The following SMTN variants were observed in gnomAD, a reference collection of about 807,000 sequenced individuals.
SMTN encodes smoothelin.
A neutral mutation model predicts 102.0 loss-of-function variants in SMTN; 58 were observed. The ratio of observed to expected loss-of-function variants is 0.57; its 90% CI spans 0.46 to 0.71. The LOEUF (loss-of-function observed/expected upper bound fraction) is 0.71, where lower values mean the gene tolerates loss of function less well. Ranked by LOEUF, SMTN falls within the 30% of genes least tolerant of loss-of-function variation. The pLI is 0.00. For synonymous variants in SMTN, 478 were observed against 497.9 expected (o/e 0.96, Z 0.53); for missense variants, 1,185 against 1,241.7 (o/e 0.95, Z 0.69).
rs539939578 is a variant in SMTN, at chr22:31,095,876, A to C, written c.1861+267A>C. 9.4e-6 allele frequency: 5 copies of C among 529,918 alleles called. No individual in the cohort carries two copies. The highest frequency in any genetic ancestry group is 3.4e-5 in the East Asian group (1 of 29,714). 32.8% of individuals were successfully genotyped at this position (529,918 alleles called of 1,614,324 possible). On this transcript the variant is annotated intron_variant, in intron 13 of 20. Transcript: ENST00000333137. This position sits in a 1 kb window ranked among gnomAD's most constrained non-coding sequence, Gnocchi z 4.1. ...GACCCAGATACTCCCTCCCGCAGCT[A>C]CTCTCTCCTTGGATCCAGTTGCCTC... is the stretch of plus-strand genomic sequence containing the variant.
In SMTN at chr22:31,104,517, G is replaced by C. The variant is rs1053902696; in HGVS notation, c.*222G>C. ...TGGCAAGCTGCCGCCCCCACTCTCC[G>C]GGCACCGTCTCCTGCCTGTGCGTCC... is the stretch of plus-strand genomic sequence containing the variant. On this transcript the variant is annotated 3_prime_UTR_variant, in exon 21 of 21. Transcript: ENST00000333137. 3 of 1,594,862 alleles carry C rather than the reference G, an allele frequency of 1.9e-6. No homozygotes were observed. In the East Asian group the frequency reaches 6.7e-5, roughly 36 times the overall value.
Position 31,091,106 on chromosome 22 carries a change from C to G in SMTN, c.1083C>G (p.Pro361=), listed in dbSNP as rs200521148. ...TPQAALSPLT[P]ARLLGPSLTS... is the part of the protein sequence containing the mutation. ...AGGCTGCCCTAAGTCCCCTGACCCC[C>G]GCAAGGCTCCTGGGCCCCTCCCTCA... The change falls in exon 10 of 21, where the codon CCC becomes CCG. Residue 361 remains proline (P), a synonymous_variant. Transcript: ENST00000333137. The G allele has an allele frequency of 1.2e-6, 2 of 1,614,032 alleles. No individual in the cohort carries two copies. Among genetic ancestry groups the G allele is most frequent in the Admixed American group, 3.3e-5 (2 of 60,012 alleles).
chr22:31,104,320 C>G lies in SMTN; in HGVS notation c.*25C>G. 1 of 1,614,144 alleles carries G rather than the reference C, an allele frequency of 6.2e-7. No homozygotes were observed. The highest frequency in any genetic ancestry group is 8.5e-7 in the Non-Finnish European group (1 of 1,179,988). On this transcript the variant is annotated 3_prime_UTR_variant, in exon 21 of 21. Coordinates refer to ENST00000333137, the MANE Select transcript of SMTN (RefSeq NM_134269.3). Reference sequence around the variant, plus strand: ...CCCCGTGCCCCCTCCCTGCAGGATGCTGGTGGACTGTGTGCCCCTGGTGGA... The same window carrying G: ...CCCCGTGCCCCCTCCCTGCAGGATGGTGGTGGACTGTGTGCCCCTGGTGGA...
chr22:31,100,192 C>T (rs1422413916), intron 19 of SMTN, among the ~76,000 whole-genome samples: 1 of 152,092 alleles, frequency 6.6e-6, no homozygotes, highest in African/African-American at 2.4e-5. Flanking sequence ...TTCTCCCTCT[C>T]TCTCCCTTTC....
chr22:31,083,435 G>C (rs2042445040), intron 2 of SMTN, 126 bp downstream of exon 2: 1 of 1,199,298 alleles, frequency 8.3e-7, no homozygotes, highest in Admixed American at 2.8e-5. Context: ...GGGGACATGG[G>C]AACAGGGGTA....
At chr22:31,069,381 C>G (rs1449709932) in intron 1 of SMTN, among the ~76,000 whole-genome samples, 1 of 152,228 alleles carries the variant, frequency 6.6e-6, no homozygotes, top group African/African-American at 2.4e-5. Context: ...AGAGAACTGC[C>G]TCCCCAAAGG....
intron 2 of SMTN, among the ~76,000 whole-genome samples, chr22:31,085,852 T>C (rs2042660734): frequency 6.6e-6 from 1 of 152,186 alleles, no homozygotes; most frequent in Non-Finnish European, 1.5e-5. Flanking sequence ...GAGGCTCCCA[T>C]TTTCCAGATG....
chr22:31,070,796 A>G (rs575991538), intron 1 of SMTN, among the ~76,000 whole-genome samples: 1 of 151,830 alleles, frequency 6.6e-6, no homozygotes, highest in East Asian at 1.9e-4. Flanking sequence ...TGGTGGCAGG[A>G]GCCTGTAATC....
intron 2 of SMTN, 161 bp downstream of exon 2, chr22:31,083,470 G>GCCACA: frequency 1.2e-6 from 1 of 865,104 alleles, no homozygotes; most frequent in Non-Finnish European, 1.7e-6. Context: ...GGCTGATGCA[G>GCCACA]AGGCCCTTGT....
chr22:31,104,618 T>C lies in SMTN; in HGVS notation c.*323T>C, dbSNP rs1344844464. 2.4e-6 allele frequency: 2 copies of C among 824,428 alleles called. No homozygotes were observed. Among genetic ancestry groups the C allele is most frequent in the Admixed American group, 2.3e-5 (1 of 43,150 alleles). 51.1% of individuals were successfully genotyped at this position (824,428 alleles called of 1,614,324 possible). On this transcript the variant is annotated 3_prime_UTR_variant, in exon 21 of 21. Transcript: ENST00000333137. ...CAGCGTTTTGATAAATTATTGGTTTTCAACGATCCTGACTCCTCTCTGCGT... is the reference window on the plus strand; with the variant it reads ...CAGCGTTTTGATAAATTATTGGTTTCCAACGATCCTGACTCCTCTCTGCGT...
At chr22:31,084,946 G>C (rs1294742065) in intron 2 of SMTN, 2 of 1,385,182 alleles carry the variant, frequency 1.4e-6, no homozygotes, top group African/African-American at 3.0e-5. Flanking sequence ...TCCCCGCGGG[G>C]CCGGGCCATA....
At position 31,085,033 on chromosome 22, in the gene SMTN, C is replaced by T. The variant is rs2042576178; in HGVS notation, c.51+1724C>T. ...ATTTGGGGACGCGGGCAGTCGCTTCCGGCCCCGGCTCCCGCACATTCTTGA... is the reference window on the plus strand; with the variant it reads ...ATTTGGGGACGCGGGCAGTCGCTTCTGGCCCCGGCTCCCGCACATTCTTGA... On this transcript the variant is annotated intron_variant, in intron 2 of 20. Transcript: ENST00000333137. The T allele has an allele frequency of 9.9e-6, 15 of 1,509,648 alleles. No individual in the cohort carries two copies. In the East Asian group the frequency reaches 3.3e-4, roughly 33 times the overall value. 93.5% of individuals were successfully genotyped at this position (1,509,648 alleles called of 1,614,324 possible).
chr22:31,096,839 G>A lies in SMTN; in HGVS notation c.1968G>A (p.Arg656=). Residue 656 remains arginine (R), a synonymous_variant, in exon 14 of 21, where the codon CGG becomes CGA. Transcript: ENST00000333137. Reference sequence around the variant, plus strand: ...AGACCACCACGAGGCACAGCCAGCGGGCAGCTGATGGCTCTGCTGTCAGCA... The same window carrying A: ...AGACCACCACGAGGCACAGCCAGCGAGCAGCTGATGGCTCTGCTGTCAGCA... The part of the protein sequence containing the change: ...ATETTTRHSQ[R]AADGSAVSTV... 1 of 1,574,058 alleles carries A rather than the reference G, an allele frequency of 6.4e-7. No homozygotes were observed. The highest frequency in any genetic ancestry group is 8.6e-7 in the Non-Finnish European group (1 of 1,157,022).
rs141823576 is a variant in SMTN, at chr22:31,091,697, G to A, written c.1482G>A (p.Ala494=). The A allele has an allele frequency of 7.6e-5, 122 of 1,599,990 alleles. No homozygotes were observed. Among genetic ancestry groups the A allele is most frequent in the Non-Finnish European group, 9.7e-5 (114 of 1,170,672 alleles). The change falls in exon 11 of 21, where the codon GCG becomes GCA. Residue 494 remains alanine (A), a synonymous_variant. Coordinates refer to ENST00000333137, the MANE Select transcript of SMTN (RefSeq NM_134269.3). ...QRAELTLGLR[A]PPTLLSTSSG... ...CAGAACTGACACTGGGGCTGCGGGC[G>A]CCCCCGACCCTACTCAGCACCAGTA...
intron 1 of SMTN, 163 bp from the exon 2 acceptor site, chr22:31,083,016 C>CA (rs1307856986): frequency 7.0e-7 from 1 of 1,418,546 alleles, no homozygotes; most frequent in African/African-American, 1.4e-5. Flanking sequence ...AGTTTTCCAG[C>CA]AAACCACCCT....
At chr22:31,094,194 C>T (rs2043378628) in intron 11 of SMTN, among the ~76,000 whole-genome samples, 1 of 152,234 alleles carries the variant, frequency 6.6e-6, no homozygotes, top group African/African-American at 2.4e-5. Flanking sequence ...CGGAGAGGCC[C>T]TGCCAGGAGA....
chr22:31,078,497 A>G (rs538484307), upstream of SMTN, among the ~76,000 whole-genome samples: 7 of 152,248 alleles, frequency 4.6e-5, no homozygotes, highest in East Asian at 1.2e-3. Context: ...TAATCACCTC[A>G]TTTTACAGGG....
In SMTN at chr22:31,090,755, C is replaced by A. The variant is rs1025655641; in HGVS notation, c.866-53C>A. The stretch of plus-strand genomic sequence containing the variant: ...TTATGAAAGGTGGACACCCACTATC[C>A]CCTGTCTTTTCTCTTTCCCCACATG... On this transcript the variant is annotated intron_variant, in intron 8 of 20. Transcript: ENST00000333137. 4 of 1,378,560 alleles carry A rather than the reference C, an allele frequency of 2.9e-6. No homozygotes were observed. The African/African-American group carries it at 4.2e-5, about 15-fold the overall frequency. 85.4% of individuals were successfully genotyped at this position (1,378,560 alleles called of 1,614,324 possible). A position where few individuals can be genotyped will look rare whatever the true frequency, so the allele number is the denominator to read the frequency against.
At chr22:31,083,371 CCAGGGTACCTCT>C in intron 2 of SMTN, 62 bp downstream of exon 2, 1 of 1,472,588 alleles carries the variant, frequency 6.8e-7, no homozygotes, top group Non-Finnish European at 9.0e-7. Context: ...CAGGGTCAAT[CCAGGGTACCTCT>C]CAGCTGACAG....
Sources: allele counts gnomAD v4.1 joint callset (sites outside exome capture counted in the v4.1 genomes callset), GRCh38; gene constraint gnomAD v4.1.1; non-coding constraint Gnocchi (gnomAD v3.1); transcripts MANE v1.5; gene names NCBI Gene and HGNC (gene_info 2026-07-23, HGNC 2026-07-21).